The following ROBO1 variants were observed in gnomAD, a reference collection of about 807,000 sequenced individuals.
ROBO1 encodes the protein roundabout homolog 1.
Under a neutral mutation model 195.9 loss-of-function variants are expected in ROBO1, and 149 were observed. That is an observed-to-expected ratio of 0.76 (90% CI 0.67 to 0.87). ROBO1 has a LOEUF of 0.87. Among genes scored for constraint, ROBO1 ranks in the 40% least tolerant of loss-of-function variants. ROBO1 has a pLI of 0.00. For synonymous variants in ROBO1, 816 were observed against 733.2 expected, an observed-to-expected ratio of 1.11 and a Z score of -1.82; for missense variants, 1,933 against 2,068.3, an observed-to-expected ratio of 0.93 and a Z score of 1.27.
At chr3:78,813,694 CTA>C (rs1413625145) in intron 4 of ROBO1, among the ~76,000 whole-genome samples, 2 of 152,080 alleles carry the variant, frequency 1.3e-5, no homozygotes, top group African/African-American at 4.8e-5. Context: ...CATTCTGACT[CTA>C]GAGTCAATTC....
At chr3:79,511,351 A>G (rs1329428580) in intron 2 of ROBO1, among the ~76,000 whole-genome samples, 1 of 152,162 alleles carries the variant, frequency 6.6e-6, no homozygotes, top group Non-Finnish European at 1.5e-5. Flanking sequence ...AAGATACTCT[A>G]CTCACTCAAG....
intron 2 of ROBO1, among the ~76,000 whole-genome samples, chr3:79,405,811 A>G (rs2037524517): frequency 6.6e-6 from 1 of 152,132 alleles, no homozygotes; most frequent in Non-Finnish European, 1.5e-5. Context: ...AAAGGGAGGA[A>G]AAGACAAAGA....
At chr3:79,509,252 T>C (rs993252230) in intron 2 of ROBO1, among the ~76,000 whole-genome samples, 1 of 152,118 alleles carries the variant, frequency 6.6e-6, no homozygotes, top group Non-Finnish European at 1.5e-5. Context: ...ATTATTTTTT[T>C]TTTCTGGAAG....
At chr3:79,144,779 A>G (rs752867856) in intron 2 of ROBO1, among the ~76,000 whole-genome samples, 2 of 152,042 alleles carry the variant, frequency 1.3e-5, no homozygotes, top group Admixed American at 6.6e-5. Flanking sequence ...GTAGCAAACT[A>G]AAAGCCAAAA....
At chr3:79,176,462 T>C (rs1303668568) in intron 2 of ROBO1, among the ~76,000 whole-genome samples, 1 of 152,144 alleles carries the variant, frequency 6.6e-6, no homozygotes, top group Non-Finnish European at 1.5e-5. Flanking sequence ...AGATTATTAT[T>C]ACTATTATTA....
chr3:79,663,743 A>G (rs1946396150), intron 1 of ROBO1, among the ~76,000 whole-genome samples: 1 of 151,962 alleles, frequency 6.6e-6, no homozygotes, highest in African/African-American at 2.4e-5. Flanking sequence ...AGTTATTGTC[A>G]TTTTTTAGAT....
intron 2 of ROBO1, among the ~76,000 whole-genome samples, chr3:79,300,910 C>T (rs62259714): frequency 2.0e-5 from 3 of 152,140 alleles, no homozygotes; most frequent in South Asian, 4.2e-4. Context: ...GGTGGAGAAC[C>T]TTTGTGTCTA....
chr3:79,177,721 T>C (rs991619173), intron 2 of ROBO1, among the ~76,000 whole-genome samples: 4 of 152,242 alleles, frequency 2.6e-5, no homozygotes, highest in Admixed American at 2.6e-4. Context: ...TCAGAGAATC[T>C]GCCCTCACCT....
At chr3:79,290,363 G>A (rs576794991) in intron 2 of ROBO1, among the ~76,000 whole-genome samples, 21 of 151,992 alleles carry the variant, frequency 1.4e-4, no homozygotes, top group Non-Finnish European at 2.2e-4. Context: ...CATTTGCCTC[G>A]TTTATGCTTG....
chr3:79,324,124 C>T (rs751110094), intron 2 of ROBO1, among the ~76,000 whole-genome samples: 1 of 152,026 alleles, frequency 6.6e-6, no homozygotes, highest in Non-Finnish European at 1.5e-5. Context: ...ACACCCATGC[C>T]GTCCTTTCAA....
chr3:78,845,389 C>A (rs994256444), intron 4 of ROBO1, among the ~76,000 whole-genome samples: 1 of 151,748 alleles, frequency 6.6e-6, no homozygotes, highest in African/African-American at 2.4e-5. Context: ...GTACCTTTTT[C>A]CTTTTCCTTT....
Position 79,729,842 on chromosome 3 carries a change from A to G in ROBO1, c.-51+37910T>C, listed in dbSNP as rs900095509. Among the ~76,000 whole-genome samples, 3 of 152,336 alleles carry G rather than the reference A, an allele frequency of 2.0e-5. No homozygotes were observed. In the East Asian group the frequency reaches 5.8e-4, roughly 29 times the overall value. On this transcript the variant is annotated intron_variant, in intron 1 of 30. Coordinates refer to ENST00000464233, the MANE Select transcript of ROBO1 (RefSeq NM_002941.4). ...AATACGCATCAGTTGATGATTTGGTAGATTTTACTGCTGCATATGTAGATT... is the reference window on the plus strand; with the variant it reads ...AATACGCATCAGTTGATGATTTGGTGGATTTTACTGCTGCATATGTAGATT...
intron 2 of ROBO1, among the ~76,000 whole-genome samples, chr3:79,330,426 C>G (rs1319865654): frequency 6.6e-6 from 1 of 150,868 alleles, no homozygotes; most frequent in Non-Finnish European, 1.5e-5. Context: ...AGTCCATAAA[C>G]TCATAATGGT....
At chr3:78,885,721 C>T (rs1315692133) in intron 4 of ROBO1, among the ~76,000 whole-genome samples, 1 of 151,058 alleles carries the variant, frequency 6.6e-6, no homozygotes, top group Middle Eastern at 3.2e-3. Context: ...GAGAGGTTTA[C>T]TCACATGTGT....
chr3:79,679,288 A>T (rs781545625), intron 1 of ROBO1, among the ~76,000 whole-genome samples: 3 of 151,972 alleles, frequency 2.0e-5, no homozygotes, highest in Non-Finnish European at 4.4e-5. Context: ...ATTTTATATT[A>T]GTTGTTTTAT....
intron 4 of ROBO1, among the ~76,000 whole-genome samples, chr3:78,934,375 T>A (rs1029081379): frequency 6.6e-6 from 1 of 151,920 alleles, no homozygotes; most frequent in African/African-American, 2.4e-5. Context: ...ATTCTTTGAA[T>A]ACTGAAAATA....
At chr3:79,077,653 G>A (rs1331701993) in intron 3 of ROBO1, among the ~76,000 whole-genome samples, 2 of 151,834 alleles carry the variant, frequency 1.3e-5, no homozygotes, top group African/African-American at 4.8e-5. Context: ...CAACCACCTT[G>A]AATGCAAATG....
At position 79,461,922 on chromosome 3, in the gene ROBO1, T is replaced by C. The variant is rs572997670; in HGVS notation, c.88+127902A>G. 4.6e-5 allele frequency among the ~76,000 whole-genome samples: 7 copies of C among 152,264 alleles called. No homozygotes were observed. The South Asian group carries it at 1.5e-3, about 32-fold the overall frequency. On this transcript the variant is annotated intron_variant, in intron 2 of 30. Transcript: ENST00000464233. ...GTAAAGAATTTTTCCTAAAAAACAATCCAAACTAAGCAAAAAATGTTGTTG... is the reference window on the plus strand; with the variant it reads ...GTAAAGAATTTTTCCTAAAAAACAACCCAAACTAAGCAAAAAATGTTGTTG...
chr3:78,908,223 C>T (rs1168889105), intron 4 of ROBO1, among the ~76,000 whole-genome samples: 1 of 151,804 alleles, frequency 6.6e-6, no homozygotes, highest in Non-Finnish European at 1.5e-5. Context: ...GCAACGATTC[C>T]CAGACTCACA....
Sources: gnomAD v4.1 joint callset for allele counts (sites outside exome capture counted in the v4.1 genomes callset) on GRCh38, gnomAD v4.1.1 for gene constraint, MANE v1.5 for transcripts, NCBI Gene and HGNC (gene_info 2026-07-23, HGNC 2026-07-21) for gene names.